AP2B1: variants seen among roughly 807,000 people sequenced by gnomAD.
AP2B1 encodes the protein adaptor related protein complex 2 subunit beta 1, also known as AP-2 complex subunit beta.
AP2B1 carries 23 observed loss-of-function variants against 102.0 expected under a neutral mutation model. That is an observed-to-expected ratio of 0.23 (90% confidence interval 0.16 to 0.32). The LOEUF (loss-of-function observed/expected upper bound fraction) is 0.32. Among genes scored for constraint, AP2B1 ranks in the 10% least tolerant of loss-of-function variants. The probability of loss-of-function intolerance (pLI) is 1.00; values close to 1 mark genes in which losing one functional copy is unlikely to be tolerated. For synonymous variants in AP2B1, 381 were observed against 421.2 expected, an observed-to-expected ratio of 0.90 and a Z score of 1.17; for missense variants, 541 against 1,157.4, an observed-to-expected ratio of 0.47 and a Z score of 7.73.
chr17:35,595,065 ATTC>A (rs1302512289), intron 2 of AP2B1, among the ~76,000 whole-genome samples: 4 of 152,158 alleles, frequency 2.6e-5, no homozygotes, highest in East Asian at 1.9e-4. Flanking sequence ...GCCAACTACC[ATTC>A]TTCTTTTTCT....
In AP2B1 at chr17:35,624,429, A is replaced by T; in HGVS notation, c.558A>T (p.Glu186Asp). ...VVANAVAALS[E>D]ISESHPNSNL... is the part of the protein sequence containing the mutation. ...CTAATGCCGTAGCGGCATTATCTGA[A>T]ATCAGTGAGTCTCACCCAAACAGCA... The change falls in exon 6 of 22, where the codon GAA becomes GAT. Residue 186 changes from glutamate (E) to aspartate (D), a missense_variant. Transcript: ENST00000610402. 6.2e-7 allele frequency: 1 copy of T among 1,614,136 alleles called. No individual in the cohort carries two copies. The highest frequency in any genetic ancestry group is 8.5e-7 in the Non-Finnish European group (1 of 1,180,016).
intron 3 of AP2B1, among the ~76,000 whole-genome samples, chr17:35,603,143 CCCTTTTGTGTATATAGGA>C (rs2073545988): frequency 1.3e-5 from 2 of 152,140 alleles, no homozygotes; most frequent in Admixed American, 6.5e-5. Flanking sequence ...TACTTCTGTA[CCCTTTTGTGTATATAGGA>C]CCATTGTATA....
At chr17:35,605,366 A>G (rs2073640196) in intron 3 of AP2B1, among the ~76,000 whole-genome samples, 1 of 151,568 alleles carries the variant, frequency 6.6e-6, no homozygotes, top group South Asian at 2.1e-4. Flanking sequence ...CTCCTGTCTC[A>G]GCCTCCTGAG....
chr17:35,677,620 C>G (rs370459805), intron 17 of AP2B1, among the ~76,000 whole-genome samples: 1 of 151,948 alleles, frequency 6.6e-6, no homozygotes, highest in Admixed American at 6.5e-5. Context: ...ATTTTAGAAT[C>G]AGCTTGTCAG....
intron 18 of AP2B1, among the ~76,000 whole-genome samples, chr17:35,686,415 T>C (rs941242033): frequency 7.2e-5 from 11 of 152,216 alleles, no homozygotes; most frequent in Admixed American, 3.3e-4. Flanking sequence ...TAGAAACATT[T>C]TCCCAGTGAA....
chr17:35,681,273 T>C (rs143134353), intron 17 of AP2B1, among the ~76,000 whole-genome samples: 65 of 152,118 alleles, frequency 4.3e-4, no homozygotes, highest in African/African-American at 1.4e-3. Flanking sequence ...TTGTGTCCTA[T>C]GTAAGTGAAA....
At chr17:35,710,834 G>C (rs2076431715) in intron 20 of AP2B1, among the ~76,000 whole-genome samples, 1 of 152,124 alleles carries the variant, frequency 6.6e-6, no homozygotes, top group Non-Finnish European at 1.5e-5. Context: ...ACTTTGGAAG[G>C]CCAAGATGGC....
chr17:35,601,400 G>T (rs899239000), intron 3 of AP2B1, among the ~76,000 whole-genome samples: 21 of 152,216 alleles, frequency 1.4e-4, no homozygotes, highest in East Asian at 1.9e-4. Context: ...CGCAATCTCG[G>T]CCCACTGCAG....
chr17:35,629,124 T>C (rs1232938148), intron 9 of AP2B1, among the ~76,000 whole-genome samples: 5 of 152,120 alleles, frequency 3.3e-5, no homozygotes, highest in Non-Finnish European at 7.3e-5. Flanking sequence ...AATTTTTGTA[T>C]TTTTAGTAGA....
intron 17 of AP2B1, among the ~76,000 whole-genome samples, chr17:35,678,639 A>T (rs2075752526): frequency 6.6e-6 from 1 of 152,200 alleles, no homozygotes; most frequent in South Asian, 2.1e-4. Flanking sequence ...TAGTCCATTA[A>T]TATGATGGAT....
intron 18 of AP2B1, among the ~76,000 whole-genome samples, chr17:35,692,643 G>A (rs2076062833): frequency 6.6e-6 from 1 of 152,184 alleles, no homozygotes; most frequent in Non-Finnish European, 1.5e-5. Flanking sequence ...GCTATAGCAT[G>A]ATGTTTAATG....
At chr17:35,590,177 CA>C (rs1342761715) in intron 1 of AP2B1, among the ~76,000 whole-genome samples, 1 of 152,106 alleles carries the variant, frequency 6.6e-6, no homozygotes, top group Non-Finnish European at 1.5e-5. Flanking sequence ...GCCCGCCTCC[CA>C]AAGTGCTGGG....
intron 21 of AP2B1, among the ~76,000 whole-genome samples, chr17:35,719,593 C>T (rs1555591778): frequency 6.6e-6 from 1 of 152,190 alleles, no homozygotes; most frequent in Admixed American, 6.5e-5. Flanking sequence ...AGTAATAGTT[C>T]ACTGTGTCCA....
chr17:35,724,736 T>A lies in AP2B1; in HGVS notation c.*1037T>A, dbSNP rs2085491061. The A allele has an allele frequency of 6.6e-6, 1 of 152,234 alleles. No individual in the cohort carries two copies. The highest frequency in any genetic ancestry group is 2.1e-4 in the South Asian group (1 of 4,830). 9.4% of individuals were successfully genotyped at this position (152,234 alleles called of 1,614,324 possible). ...CAAAGCCGAGACCGAGTCTCCTAAG[T>A]CCCCGTCAGTGTGGTTTTCACCACA... On this transcript the variant is annotated 3_prime_UTR_variant, in exon 22 of 22. Coordinates refer to ENST00000610402, the MANE Select transcript of AP2B1 (RefSeq NM_001030006.2).
chr17:35,673,015 C>T (rs2075622063), intron 16 of AP2B1, among the ~76,000 whole-genome samples: 1 of 152,054 alleles, frequency 6.6e-6, no homozygotes, highest in Non-Finnish European at 1.5e-5. Flanking sequence ...CTTTTGAATC[C>T]GTATATCTAC....
chr17:35,649,876 C>T (rs1283021602), intron 12 of AP2B1, among the ~76,000 whole-genome samples: 1 of 152,148 alleles, frequency 6.6e-6, no homozygotes, highest in Non-Finnish European at 1.5e-5. Flanking sequence ...ATCCTCCTCC[C>T]TCAGTTTCCT....
chr17:35,608,349 G>T lies in AP2B1; in HGVS notation c.487G>T (p.Asp163Tyr). The T allele has an allele frequency of 6.2e-7, 1 of 1,614,190 alleles. No homozygotes were observed. Among genetic ancestry groups the T allele is most frequent in the Non-Finnish European group, 8.5e-7 (1 of 1,180,042 alleles). ...AATGGTGGAAGATCAGGGATTTCTG[G>T]ATTCTCTACGGGATCTCATAGCAGA... is the stretch of plus-strand genomic sequence containing the variant. ...AQMVEDQGFL[D>Y]SLRDLIADSN... Residue 163 changes from aspartate (D) to tyrosine (Y), a missense_variant, in exon 5 of 22, where the codon GAT becomes TAT. Asp to Tyr is a radical substitution (Grantham distance 160). Around this residue, in one of 10 missense-constraint regions of AP2B1, gnomAD observed 134 missense variants for 250.2 expected, o/e 0.54. Coordinates refer to ENST00000610402, the MANE Select transcript of AP2B1 (RefSeq NM_001030006.2).
At position 35,720,545 on chromosome 17, in the gene AP2B1, T is replaced by TATATATATATA. The variant is rs1568062926; in HGVS notation, c.2782-3080_2782-3079insATATATATATA. ...TTTGTCCCATATATTTTTATTTTAT[T>TATATATATATA]TATATATATATATATATATATATAT... On this transcript the variant is annotated intron_variant, in intron 21 of 21. Coordinates refer to ENST00000610402, the MANE Select transcript of AP2B1 (RefSeq NM_001030006.2). 1.2e-3 allele frequency among the ~76,000 whole-genome samples: 63 copies of TATATATATATA among 54,366 alleles called. 1 individual carries two copies. The highest frequency in any genetic ancestry group is 5.2e-3 in the South Asian group (6 of 1,164). 35.7% of individuals were successfully genotyped at this position (54,366 alleles called of 152,430 possible).
At chr17:35,654,942 A>C (rs2075179999) in intron 13 of AP2B1, among the ~76,000 whole-genome samples, 1 of 152,162 alleles carries the variant, frequency 6.6e-6, no homozygotes, top group African/African-American at 2.4e-5. Context: ...TACTACTGGT[A>C]ATGCTAGCGG....
Sources: allele counts gnomAD v4.1 joint callset (sites outside exome capture counted in the v4.1 genomes callset), GRCh38; gene constraint gnomAD v4.1.1; regional missense constraint gnomAD v4.1.1; transcripts MANE v1.5; gene names NCBI Gene and HGNC (gene_info 2026-07-23, HGNC 2026-07-21).